The following ITPR2 variants were observed in gnomAD, a reference collection of about 807,000 sequenced individuals.
The protein encoded by ITPR2 is inositol 1,4,5-trisphosphate receptor type 2.
Under a neutral mutation model 317.1 loss-of-function variants are expected in ITPR2, and 207 were observed. The ratio of observed to expected loss-of-function variants is 0.65; its 90% CI spans 0.58 to 0.73. ITPR2 has a LOEUF of 0.73. Ranked by LOEUF, ITPR2 falls within the 30% of genes least tolerant of loss-of-function variation. ITPR2 has a pLI of 0.00. For synonymous variants in ITPR2, 1,156 were observed against 1,149.1 expected (o/e 1.01, Z -0.12); for missense variants, 2,613 against 3,284.0 (o/e 0.80, Z 4.99).
At position 26,464,790 on chromosome 12, in the gene ITPR2, G is replaced by GT. The variant is rs1469845480; in HGVS notation, c.6342+10505dup. Among the ~76,000 whole-genome samples the GT allele has an allele frequency of 3.9e-5, 6 of 152,304 alleles. No individual in the cohort carries two copies. In the South Asian group the frequency reaches 8.3e-4, roughly 21 times the overall value. ...GTTCTATGATCACAGCAGGCGTGGTGTGCCATGGGCACACACAGGAGGGAC... is the reference window on the plus strand; with the variant it reads ...GTTCTATGATCACAGCAGGCGTGGTGTTGCCATGGGCACACACAGGAGGGAC... On this transcript the variant is annotated intron_variant, in intron 45 of 56. Coordinates refer to ENST00000381340, the MANE Select transcript of ITPR2 (RefSeq NM_002223.4).
chr12:26,542,952 T>G (rs1169503116), intron 37 of ITPR2, among the ~76,000 whole-genome samples: 4 of 152,358 alleles, frequency 2.6e-5, no homozygotes, highest in Non-Finnish European at 5.9e-5. Flanking sequence ...TCTCCAATTC[T>G]AAAGTACAGA....
At chr12:26,725,542 A>C in intron 3 of ITPR2, 108 bp downstream of exon 3, 1 of 717,444 alleles carries the variant, frequency 1.4e-6, no homozygotes, top group Non-Finnish European at 2.4e-6. Context: ...ATGTATTCTA[A>C]ATCTCTGTGT....
At chr12:26,534,659 A>G (rs1317879870) in intron 37 of ITPR2, among the ~76,000 whole-genome samples, 2 of 152,224 alleles carry the variant, frequency 1.3e-5, no homozygotes, top group East Asian at 3.8e-4. Flanking sequence ...TTATGATGTA[A>G]ATTTTTAAAA....
At chr12:26,348,459 A>G (rs762887742) in intron 55 of ITPR2, among the ~76,000 whole-genome samples, 3 of 152,178 alleles carry the variant, frequency 2.0e-5, no homozygotes, top group Non-Finnish European at 4.4e-5. Flanking sequence ...TTATCTCAAA[A>G]AATTAGGAGA....
At chr12:26,723,265 C>A (rs557737544) in intron 4 of ITPR2, among the ~76,000 whole-genome samples, 1 of 152,154 alleles carries the variant, frequency 6.6e-6, no homozygotes, top group East Asian at 1.9e-4. Flanking sequence ...AAGAAATTAT[C>A]TCAAAATAAA....
chr12:26,443,781 AG>A, intron 45 of ITPR2, 131 bp from the exon 46 acceptor site: 1 of 573,026 alleles, frequency 1.7e-6, no homozygotes, highest in Non-Finnish European at 3.1e-6. Flanking sequence ...GTTACACTTC[AG>A]GAAAGCATGT....
chr12:26,484,729 C>T (rs1825477), intron 41 of ITPR2, among the ~76,000 whole-genome samples: 128,930 of 152,080 alleles, frequency 0.85, 55,091 homozygotes, highest in Non-Finnish European at 0.91. Context: ...TTTTTTTTCT[C>T]GAGACAGAGT....
intron 2 of ITPR2, among the ~76,000 whole-genome samples, chr12:26,751,978 T>C (rs1032918348): frequency 1.3e-5 from 2 of 152,182 alleles, no homozygotes; most frequent in Admixed American, 6.5e-5. Flanking sequence ...TATAGAGATA[T>C]GTCTATAGTC....
At chr12:26,767,999 G>A (rs1223712361) in intron 2 of ITPR2, among the ~76,000 whole-genome samples, 2 of 152,064 alleles carry the variant, frequency 1.3e-5, no homozygotes, top group Non-Finnish European at 2.9e-5. Context: ...CCGCCTCCTT[G>A]GTATACCCGC....
intron 2 of ITPR2, among the ~76,000 whole-genome samples, chr12:26,772,471 TATATATA>T (rs368948664): frequency 0.061 from 1,963 of 32,078 alleles, 77 homozygotes; most frequent in Admixed American, 0.069. Flanking sequence ...ATACATGTAT[TATATATA>T]ATATATATAA....
At chr12:26,687,553 G>A (rs1365840058) in intron 10 of ITPR2, among the ~76,000 whole-genome samples, 1 of 152,128 alleles carries the variant, frequency 6.6e-6, no homozygotes, top group African/African-American at 2.4e-5. Flanking sequence ...TTTCTTCAAT[G>A]GCTGCTGCGA....
At chr12:26,427,837 C>A in intron 49 of ITPR2, 76 bp downstream of exon 49, 1 of 956,746 alleles carries the variant, frequency 1.0e-6, no homozygotes, top group Non-Finnish European at 1.4e-6. Flanking sequence ...GAATTAAAAG[C>A]TTATAGTTAT....
intron 37 of ITPR2, among the ~76,000 whole-genome samples, chr12:26,539,143 T>C (rs555044131): frequency 6.6e-6 from 1 of 152,180 alleles, no homozygotes; most frequent in East Asian, 1.9e-4. Flanking sequence ...CCGAAATTAG[T>C]GTATTTGATA....
In ITPR2 at chr12:26,622,387, A is replaced by C. The variant is rs1946520451; in HGVS notation, c.3141T>G (p.Val1047=). 1 of 1,602,716 alleles carries C rather than the reference A, an allele frequency of 6.2e-7. No homozygotes were observed. The highest frequency in any genetic ancestry group is 8.5e-7 in the Non-Finnish European group (1 of 1,176,538). The part of the protein sequence containing the change: ...MFAGRKEKNP[V]QLDDEGGRTF... ...TCCTGCCTCCTTCATCGTCAAGTTG[A>C]ACTGGATTTTTTTCTTTTCTATAAA... The change falls in exon 25 of 57, where the codon GTT becomes GTG. Residue 1047 remains valine, a synonymous_variant. Transcript: ENST00000381340.
intron 32 of ITPR2, among the ~76,000 whole-genome samples, chr12:26,592,525 A>C (rs1306537891): frequency 6.6e-6 from 1 of 152,242 alleles, no homozygotes; most frequent in Non-Finnish European, 1.5e-5. Context: ...TGTACCTCAT[A>C]AATATATACA....
At chr12:26,510,714 C>T (rs546478503) in intron 37 of ITPR2, among the ~76,000 whole-genome samples, 11 of 152,282 alleles carry the variant, frequency 7.2e-5, no homozygotes, top group African/African-American at 2.6e-4. Context: ...TCAGTAAATT[C>T]AATTTGAATT....
intron 51 of ITPR2, among the ~76,000 whole-genome samples, chr12:26,413,527 C>T (rs1230020509): frequency 3.9e-5 from 6 of 152,126 alleles, no homozygotes; most frequent in African/African-American, 7.2e-5. Flanking sequence ...AGACAATATG[C>T]GGCATTAGAA....
intron 36 of ITPR2, among the ~76,000 whole-genome samples, chr12:26,555,314 C>T (rs1944632732): frequency 6.6e-6 from 1 of 152,164 alleles, no homozygotes; most frequent in Non-Finnish European, 1.5e-5. Context: ...TGGTAATACC[C>T]TCTACCACAC....
chr12:26,568,012 A>ATATATATATATATTATATATAT (rs1945052576), intron 34 of ITPR2, among the ~76,000 whole-genome samples: 1 of 8,076 alleles, frequency 1.2e-4, no homozygotes, highest in Non-Finnish European at 1.5e-3. Context: ...TATATTATAT[A>ATATATATATATATTATATATAT]TATATATATA....
Sources: gnomAD v4.1 joint callset for allele counts (sites outside exome capture counted in the v4.1 genomes callset) on GRCh38, gnomAD v4.1.1 for gene constraint, MANE v1.5 for transcripts, NCBI Gene and HGNC (gene_info 2026-07-23, HGNC 2026-07-21) for gene names.